Variants in CRY1 observed in about 807,000 individuals in gnomAD.
CRY1 encodes the protein cryptochrome-1.
A neutral mutation model predicts 76.0 loss-of-function variants in CRY1; 45 were observed. The observed-to-expected ratio is 0.59, with a 90% CI of 0.47 to 0.76. The LOEUF (loss-of-function observed/expected upper bound fraction) is 0.76. CRY1 is among the 30% of genes least tolerant of loss of function. CRY1 has a pLI of 0.00. For missense variants in CRY1, 587 were observed against 716.4 expected, an observed-to-expected ratio of 0.82 and a Z score of 2.06; for synonymous variants, 248 against 244.0, an observed-to-expected ratio of 1.02 and a Z score of -0.15.
intron 1 of CRY1, among the ~76,000 whole-genome samples, chr12:107,064,968 A>C (rs1009231893): frequency 6.6e-6 from 1 of 152,178 alleles, no homozygotes; most frequent in African/African-American, 2.4e-5. Flanking sequence ...ATAAATGGAG[A>C]TAAAAGGACT....
chr12:107,074,650 G>T (rs954453113), intron 1 of CRY1, among the ~76,000 whole-genome samples: 6 of 152,022 alleles, frequency 3.9e-5, no homozygotes, highest in African/African-American at 1.4e-4. Flanking sequence ...AATTATTTTG[G>T]TATTACCATC....
intron 1 of CRY1, among the ~76,000 whole-genome samples, chr12:107,068,582 G>A (rs1026295237): frequency 1.3e-5 from 2 of 152,078 alleles, no homozygotes; most frequent in Non-Finnish European, 2.9e-5. Flanking sequence ...ATAAGCATGA[G>A]CAACCGCACT....
At chr12:107,091,846 C>T (rs1029222827) in intron 1 of CRY1, among the ~76,000 whole-genome samples, 3 of 152,202 alleles carry the variant, frequency 2.0e-5, no homozygotes, top group African/African-American at 7.2e-5. Flanking sequence ...CATCCCACCA[C>T]CTCCTTCAGG....
chr12:107,089,604 T>C (rs1386148869), intron 1 of CRY1, among the ~76,000 whole-genome samples: 1 of 152,168 alleles, frequency 6.6e-6, no homozygotes, highest in Non-Finnish European at 1.5e-5. Context: ...CTATTTAAAA[T>C]TTTGCTTTTC....
chr12:107,055,413 T>C (rs1395040308), intron 1 of CRY1, among the ~76,000 whole-genome samples: 1 of 151,882 alleles, frequency 6.6e-6, no homozygotes, highest in African/African-American at 2.4e-5. Context: ...CAGTAGCAAT[T>C]AGAGGGATAT....
intron 1 of CRY1, among the ~76,000 whole-genome samples, chr12:107,065,483 T>C (rs1953098802): frequency 6.6e-6 from 1 of 151,602 alleles, no homozygotes; most frequent in African/African-American, 2.4e-5. Flanking sequence ...TAATCCCAGC[T>C]ACTCGGGAGA....
At chr12:107,077,645 T>C (rs1432417220) in intron 1 of CRY1, among the ~76,000 whole-genome samples, 1 of 152,210 alleles carries the variant, frequency 6.6e-6, no homozygotes, top group Non-Finnish European at 1.5e-5. Flanking sequence ...AAAAGTTATC[T>C]ATATATTTTA....
At chr12:107,030,391 T>C (rs1341775883) in intron 1 of CRY1, among the ~76,000 whole-genome samples, 1 of 152,198 alleles carries the variant, frequency 6.6e-6, no homozygotes, top group African/African-American at 2.4e-5. Flanking sequence ...CTCCAAACCA[T>C]AGTGCTCTTT....
chr12:107,008,584 A>G lies in CRY1; in HGVS notation c.268-3336T>C, dbSNP rs1187415846. On this transcript the variant is annotated intron_variant, in intron 2 of 12. Transcript: ENST00000008527. ...AAAGCAAATATCCTTGTTTTTTCCTATCTTGGGTAGAAAGCATTCAGTGTT... is the reference window on the plus strand; with the variant it reads ...AAAGCAAATATCCTTGTTTTTTCCTGTCTTGGGTAGAAAGCATTCAGTGTT... Among the ~76,000 whole-genome samples, 4 of 152,200 alleles carry G rather than the reference A, an allele frequency of 2.6e-5. No homozygotes were observed. In the South Asian group the frequency reaches 8.3e-4, roughly 31 times the overall value.
At chr12:107,004,693 A>G (rs1246895831) in intron 3 of CRY1, among the ~76,000 whole-genome samples, 1 of 152,228 alleles carries the variant, frequency 6.6e-6, no homozygotes, top group Non-Finnish European at 1.5e-5. Flanking sequence ...ATAGATATAC[A>G]TGAAATAAGA....
intron 1 of CRY1, among the ~76,000 whole-genome samples, chr12:107,073,219 A>G (rs1471460042): frequency 1.3e-5 from 2 of 151,888 alleles, no homozygotes; most frequent in African/African-American, 4.8e-5. Flanking sequence ...TGTAAAATAT[A>G]TTTTTTTATT....
chr12:107,011,282 G>A (rs1345141781), intron 2 of CRY1, among the ~76,000 whole-genome samples: 3 of 152,114 alleles, frequency 2.0e-5, no homozygotes, highest in East Asian at 1.9e-4. Flanking sequence ...CCCGGAAAGC[G>A]GAGTTTGCAG....
intron 1 of CRY1, among the ~76,000 whole-genome samples, chr12:107,029,031 A>G (rs759739381): frequency 1.4e-4 from 22 of 152,336 alleles, no homozygotes; most frequent in Non-Finnish European, 2.8e-4. Flanking sequence ...CATCTGGAAG[A>G]ACATTTGAAA....
At chr12:107,046,104 C>A (rs571798260) in intron 1 of CRY1, among the ~76,000 whole-genome samples, 1 of 145,734 alleles carries the variant, frequency 6.9e-6, no homozygotes, top group South Asian at 2.2e-4. Flanking sequence ...TCCAGCCTGG[C>A]GACAGAGCAA....
At chr12:107,084,095 A>G (rs1231626290) in intron 1 of CRY1, among the ~76,000 whole-genome samples, 1 of 152,242 alleles carries the variant, frequency 6.6e-6, no homozygotes, top group African/African-American at 2.4e-5. Context: ...TACAAAGAAA[A>G]TAAAATACCT....
chr12:107,069,585 AAG>A (rs1953155500), intron 1 of CRY1, among the ~76,000 whole-genome samples: 2 of 41,286 alleles, frequency 4.8e-5, no homozygotes, highest in Non-Finnish European at 7.9e-5. Flanking sequence ...TATATATATA[AAG>A]TATATATATA....
chr12:107,043,948 T>C (rs1952825197), intron 1 of CRY1, among the ~76,000 whole-genome samples: 1 of 152,080 alleles, frequency 6.6e-6, no homozygotes, highest in Non-Finnish European at 1.5e-5. Flanking sequence ...TACCCCTTAC[T>C]CCATGGAGTC....
rs200276160 is a variant in CRY1, at chr12:106,997,930, T to A, written c.1274A>T (p.Asn425Ile). Residue 425 changes from asparagine to isoleucine, a missense_variant, in exon 8 of 13, where the codon AAT becomes ATT. Physicochemically the swap from Asn to Ile is moderately radical, Grantham distance 149. Coordinates refer to ENST00000008527, the MANE Select transcript of CRY1 (RefSeq NM_004075.5). Reference protein sequence around the residue: ...PVGFGRRTDPNGDYIRRYLPV... With the variant: ...PVGFGRRTDPIGDYIRRYLPV... ...CTTGATTTACCTGATATAGTCTCCA[T>A]TGGGATCTGTTCTCCTACCAAAACC... 2 of 1,614,034 alleles carry A rather than the reference T, an allele frequency of 1.2e-6. No homozygotes were observed. Among genetic ancestry groups the A allele is most frequent in the African/African-American group, 1.3e-5 (1 of 75,056 alleles).
At chr12:106,992,939 A>C in intron 11 of CRY1, 26 bp downstream of exon 11, 3 of 1,614,060 alleles carry the variant, frequency 1.9e-6, no homozygotes, top group Non-Finnish European at 2.5e-6. Context: ...GAAAAAGAAC[A>C]GTATGCTCCA....
Sources: gnomAD v4.1 joint callset for allele counts (sites outside exome capture counted in the v4.1 genomes callset) on GRCh38, gnomAD v4.1.1 for gene constraint, MANE v1.5 for transcripts, NCBI Gene and HGNC (gene_info 2026-07-23, HGNC 2026-07-21) for gene names.